VAV3: variants seen among roughly 807,000 people sequenced by gnomAD.
VAV3 encodes vav guanine nucleotide exchange factor 3.
Under a neutral mutation model 131.2 loss-of-function variants are expected in VAV3, and 94 were observed. The observed-to-expected ratio is 0.72, with a 90% CI of 0.61 to 0.85. The LOEUF (loss-of-function observed/expected upper bound fraction) is 0.85. Among genes scored for constraint, VAV3 ranks in the 40% least tolerant of loss-of-function variants. VAV3 has a pLI of 0.00. For synonymous variants in VAV3, 349 were observed against 342.0 expected, an observed-to-expected ratio of 1.02 and a Z score of -0.22; for missense variants, 939 against 1,002.7, an observed-to-expected ratio of 0.94 and a Z score of 0.86.
At chr1:107,675,652 T>C (rs964725252) in intron 19 of VAV3, among the ~76,000 whole-genome samples, 2 of 152,192 alleles carry the variant, frequency 1.3e-5, no homozygotes, top group African/African-American at 4.8e-5. Flanking sequence ...CCCACATTCT[T>C]ACCCTGACCT....
intron 1 of VAV3, among the ~76,000 whole-genome samples, chr1:107,932,708 G>C (rs1673500841): frequency 2.0e-5 from 3 of 152,144 alleles, no homozygotes; most frequent in African/African-American, 7.2e-5. Context: ...ATAAAAAGGA[G>C]GCAGAGTAAG....
intron 2 of VAV3, among the ~76,000 whole-genome samples, chr1:107,830,561 A>C (rs1327551304): frequency 1.3e-5 from 2 of 152,136 alleles, no homozygotes; most frequent in Admixed American, 1.3e-4. Context: ...CTCATTCTGC[A>C]CATAGCCCCC....
chr1:107,673,384 C>T (rs1201601472), intron 19 of VAV3, among the ~76,000 whole-genome samples: 2 of 152,162 alleles, frequency 1.3e-5, no homozygotes, highest in Non-Finnish European at 1.5e-5. Flanking sequence ...CCAACCCTAA[C>T]CATCCTGTGC....
chr1:107,735,929 C>A (rs1020380230), intron 15 of VAV3, among the ~76,000 whole-genome samples: 5 of 152,118 alleles, frequency 3.3e-5, no homozygotes, highest in Non-Finnish European at 7.4e-5. Context: ...GACCAATATC[C>A]CTGATGAACA....
intron 15 of VAV3, among the ~76,000 whole-genome samples, chr1:107,715,519 C>T (rs973557775): frequency 2.0e-5 from 3 of 152,138 alleles, no homozygotes; most frequent in African/African-American, 7.2e-5. Flanking sequence ...TACACTTAGT[C>T]ATGTATTCAA....
chr1:107,904,375 T>C (rs1000414543), intron 1 of VAV3, among the ~76,000 whole-genome samples: 6 of 152,346 alleles, frequency 3.9e-5, no homozygotes, highest in African/African-American at 1.2e-4. Context: ...CTTCATTTCC[T>C]TGGTTCTTTT....
intron 15 of VAV3, among the ~76,000 whole-genome samples, chr1:107,736,336 T>G (rs572862369): frequency 1.8e-4 from 27 of 152,064 alleles, no homozygotes; most frequent in Non-Finnish European, 3.8e-4. Context: ...CTATTCAACA[T>G]AGTGTTGAAA....
At chr1:107,586,735 A>G (rs1278295724) in intron 25 of VAV3, among the ~76,000 whole-genome samples, 1 of 152,138 alleles carries the variant, frequency 6.6e-6, no homozygotes, top group Admixed American at 6.5e-5. Flanking sequence ...AGAACATACC[A>G]GATGAAAAGT....
At chr1:107,624,374 C>CTGTG (rs59476510) in intron 20 of VAV3, among the ~76,000 whole-genome samples, 10,526 of 143,112 alleles carry the variant, frequency 0.074, 400 homozygotes, top group East Asian at 0.12. Flanking sequence ...AGTCTTATGA[C>CTGTG]TGTGTGTGTG....
At chr1:107,937,052 C>A (rs1352966240) in intron 1 of VAV3, among the ~76,000 whole-genome samples, 1 of 152,084 alleles carries the variant, frequency 6.6e-6, no homozygotes. Context: ...CAAAGGATGC[C>A]TAGCAAGAGT....
chr1:107,696,976 A>G (rs1216945687), intron 17 of VAV3, among the ~76,000 whole-genome samples: 1 of 152,232 alleles, frequency 6.6e-6, no homozygotes, highest in Admixed American at 6.5e-5. Flanking sequence ...ACTTAAGTCA[A>G]TGTTGAGCTT....
intron 22 of VAV3, 141 bp downstream of exon 22, chr1:107,609,790 A>G: frequency 1.2e-6 from 1 of 805,728 alleles, no homozygotes; most frequent in South Asian, 1.7e-5. Flanking sequence ...TGAATTCATT[A>G]TGGTGTTTTG....
At chr1:107,952,724 T>C (rs138305160) in intron 1 of VAV3, among the ~76,000 whole-genome samples, 1 of 151,966 alleles carries the variant, frequency 6.6e-6, no homozygotes, top group Non-Finnish European at 1.5e-5. Flanking sequence ...GTAAAACCCG[T>C]ACTGTATAGA....
In VAV3 at chr1:107,670,969, T is replaced by A. The variant is rs576467243; in HGVS notation, c.1777+12519A>T. On this transcript the variant is annotated intron_variant, in intron 19 of 26. Coordinates refer to ENST00000370056, the MANE Select transcript of VAV3 (RefSeq NM_006113.5). ...ATTCTGTTCTTGGATACTGCTTGAATTTAAATGGAAGATGCATAAAATATT... is the reference window on the plus strand; with the variant it reads ...ATTCTGTTCTTGGATACTGCTTGAAATTAAATGGAAGATGCATAAAATATT... Among the ~76,000 whole-genome samples the A allele has an allele frequency of 3.9e-5, 6 of 152,302 alleles. No individual in the cohort carries two copies. The East Asian group carries it at 1.2e-3, about 29-fold the overall frequency.
intron 2 of VAV3, among the ~76,000 whole-genome samples, chr1:107,838,243 G>A (rs1412484634): frequency 2.6e-5 from 4 of 152,028 alleles, no homozygotes; most frequent in African/African-American, 7.2e-5. Flanking sequence ...AAGCTATCAG[G>A]AACTTAAATA....
intron 19 of VAV3, chr1:107,673,495 G>T (rs565718244): frequency 6.6e-6 from 1 of 152,180 alleles, no homozygotes; most frequent in African/African-American, 2.4e-5. Flanking sequence ...CTGGATTCCA[G>T]GTTAGACATC....
chr1:107,867,791 G>A (rs903932940), intron 2 of VAV3, among the ~76,000 whole-genome samples: 7 of 152,114 alleles, frequency 4.6e-5, no homozygotes, highest in African/African-American at 1.7e-4. Context: ...CCAGACCCTT[G>A]AGGGAGGAAA....
At chr1:107,629,361 A>T (rs945020056) in intron 20 of VAV3, among the ~76,000 whole-genome samples, 6 of 152,204 alleles carry the variant, frequency 3.9e-5, no homozygotes, top group African/African-American at 1.4e-4. Flanking sequence ...TGTAATATGA[A>T]CAATTTCTTC....
At chr1:107,818,414 T>C (rs1332935948) in intron 2 of VAV3, among the ~76,000 whole-genome samples, 1 of 151,816 alleles carries the variant, frequency 6.6e-6, no homozygotes, top group African/African-American at 2.4e-5. Context: ...CAGTAATGAT[T>C]ACCTAGGAAT....
Sources: gnomAD v4.1 joint callset for allele counts (sites outside exome capture counted in the v4.1 genomes callset) on GRCh38, gnomAD v4.1.1 for gene constraint, MANE v1.5 for transcripts, NCBI Gene and HGNC (gene_info 2026-07-23, HGNC 2026-07-21) for gene names.